The following ATF7 variants were observed in gnomAD, a reference collection of about 807,000 sequenced individuals.
ATF7 encodes the protein cyclic AMP-dependent transcription factor ATF-7.
Under a neutral mutation model 50.4 loss-of-function variants are expected in ATF7, and 10 were observed. That is an observed-to-expected ratio of 0.20 (90% CI 0.12 to 0.34). The LOEUF is 0.34. Among genes scored for constraint, ATF7 ranks in the 10% least tolerant of loss-of-function variants. ATF7 has a pLI of 1.00. For synonymous variants in ATF7, 201 were observed against 226.4 expected (o/e 0.89, Z 1.01); for missense variants, 465 against 613.9 (o/e 0.76, Z 2.56).
At chr12:53,541,217 C>T (rs1939531043) in intron 4 of ATF7, among the ~76,000 whole-genome samples, 1 of 152,060 alleles carries the variant, frequency 6.6e-6, no homozygotes, top group Admixed American at 6.6e-5. Flanking sequence ...GAAAGAGCTC[C>T]CATGGAAATT....
At chr12:53,547,421 G>T (rs1940017169) in intron 3 of ATF7, among the ~76,000 whole-genome samples, 2 of 151,770 alleles carry the variant, frequency 1.3e-5, no homozygotes, top group South Asian at 4.2e-4. Context: ...AAGTAGCTGG[G>T]ATTTCAGGTG....
chr12:53,535,327 T>TAAAAAAAAAAAAAAAA (rs1418200711), intron 5 of ATF7, among the ~76,000 whole-genome samples: 1 of 100,324 alleles, frequency 1.0e-5, no homozygotes, highest in African/African-American at 5.4e-5. Context: ...AGACTCTGCC[T>TAAAAAAAAAAAAAAAA]CAAAAAAAAA....
At chr12:53,541,913 C>G (rs1297777970) in intron 4 of ATF7, among the ~76,000 whole-genome samples, 1 of 152,036 alleles carries the variant, frequency 6.6e-6, no homozygotes, top group Non-Finnish European at 1.5e-5. Context: ...CCTCTGCCTC[C>G]CGGGTTCAAG....
chr12:53,534,765 C>A lies in ATF7; in HGVS notation c.403-106G>T, dbSNP rs767438097. ...AAATTTATTGGAAAGAGCATTAGAG[C>A]CACTCATTAAATCATGACCTGATTC... is the stretch of plus-strand genomic sequence containing the variant. On this transcript the variant is annotated intron_variant, in intron 5 of 11. Transcript: ENST00000420353. 6 of 1,282,278 alleles carry A rather than the reference C, an allele frequency of 4.7e-6. No homozygotes were observed. The South Asian group carries it at 8.4e-5, about 18-fold the overall frequency. The allele number at this position is 1,282,278 out of a possible 1,614,324, so 79.4% of individuals were successfully genotyped here. A position where few individuals can be genotyped will look rare whatever the true frequency, so the allele number is the denominator to read the frequency against.
At chr12:53,578,778 T>A (rs1942236073) in intron 2 of ATF7, among the ~76,000 whole-genome samples, 1 of 129,442 alleles carries the variant, frequency 7.7e-6, no homozygotes, top group African/African-American at 3.2e-5. Context: ...AGTGAGATGC[T>A]GTCTCAAAAA....
At chr12:53,537,583 A>G in intron 4 of ATF7, 31 bp from the exon 5 acceptor site, 4 of 1,609,370 alleles carry the variant, frequency 2.5e-6, no homozygotes, top group Non-Finnish European at 3.4e-6. Flanking sequence ...ACAGAGTTTA[A>G]CCCTATGATT....
In ATF7 at chr12:53,611,346, C is replaced by T. The variant is rs558304441; in HGVS notation, c.-21-10325G>A. On this transcript the variant is annotated intron_variant, in intron 1 of 11. Transcript: ENST00000420353. ...TAGCTGGGCATGGTGGCACGTGCTC[C>T]GGAGGCTGAGGCAGGAGAATCGCTC... Among the ~76,000 whole-genome samples the T allele has an allele frequency of 9.8e-4, 149 of 151,814 alleles. 1 individual carries two copies. The South Asian group carries it at 0.011, about 11-fold the overall frequency.
intron 11 of ATF7, among the ~76,000 whole-genome samples, chr12:53,518,783 C>T (rs754026523): frequency 7.9e-5 from 12 of 152,012 alleles, no homozygotes; most frequent in Non-Finnish European, 4.4e-5. Flanking sequence ...CAGTGGCTCA[C>T]GCCTGTAATC....
chr12:53,602,167 A>G (rs1171600269), intron 1 of ATF7, among the ~76,000 whole-genome samples: 2 of 152,220 alleles, frequency 1.3e-5, no homozygotes, highest in Non-Finnish European at 2.9e-5. Flanking sequence ...ATATTTTCAA[A>G]CATCCTTCCA....
intron 1 of ATF7, among the ~76,000 whole-genome samples, chr12:53,621,787 T>TTAA (rs1944393218): frequency 1.4e-5 from 1 of 73,356 alleles, no homozygotes. Context: ...AGACTCTGTC[T>TTAA]CAAAAAAAAA....
At chr12:53,564,757 T>C (rs1409883542) in intron 2 of ATF7, among the ~76,000 whole-genome samples, 1 of 152,242 alleles carries the variant, frequency 6.6e-6, no homozygotes, top group Non-Finnish European at 1.5e-5. Context: ...TTAATAGCAA[T>C]GCATTATTAT....
At chr12:53,549,920 G>A (rs796705789) in intron 3 of ATF7, among the ~76,000 whole-genome samples, 41 of 152,206 alleles carry the variant, frequency 2.7e-4, no homozygotes, top group African/African-American at 8.9e-4. Context: ...GTTTCACCTC[G>A]TTAGTGAGAC....
At chr12:53,547,747 TTATGTATGTATGTATGTATGTATGTATG>T (rs57447677) in intron 3 of ATF7, among the ~76,000 whole-genome samples, 1 of 149,082 alleles carries the variant, frequency 6.7e-6, no homozygotes, top group African/African-American at 2.5e-5. Context: ...TCGGCTAATT[TTATGTATGTATGTATGTATGTATGTATG>T]TATGTATGTA....
At chr12:53,582,274 A>G (rs1229456459) in intron 2 of ATF7, among the ~76,000 whole-genome samples, 1 of 150,764 alleles carries the variant, frequency 6.6e-6, no homozygotes, top group Non-Finnish European at 1.5e-5. Context: ...GGTTGCAGTG[A>G]GCCGAGATCA....
chr12:53,570,773 G>A (rs1565963713), intron 2 of ATF7, among the ~76,000 whole-genome samples: 1 of 136,810 alleles, frequency 7.3e-6, no homozygotes, highest in Non-Finnish European at 1.6e-5. Context: ...GTGTGTGTGT[G>A]TGTATGTCCA....
At chr12:53,586,053 A>C (rs1016222319) in intron 2 of ATF7, among the ~76,000 whole-genome samples, 5 of 152,222 alleles carry the variant, frequency 3.3e-5, no homozygotes, top group Admixed American at 3.3e-4. Flanking sequence ...AACCTCCATA[A>C]GGTCCTGTCT....
At position 53,515,979 on chromosome 12, in the gene ATF7, G is replaced by C. The variant is rs1937678394; in HGVS notation, c.*1158C>G. ...CAGAAAAGCAGACAGATGTGTGAGG[G>C]GGAGAGATGGGGTAGAACAAAGGAA... On this transcript the variant is annotated 3_prime_UTR_variant, in exon 12 of 12. Transcript: ENST00000420353. The C allele has an allele frequency of 6.6e-6, 1 of 152,264 alleles. No homozygotes were observed. Among genetic ancestry groups the C allele is most frequent in the South Asian group, 2.1e-4 (1 of 4,818 alleles). 9.4% of individuals were successfully genotyped at this position (152,264 alleles called of 1,614,324 possible).
chr12:53,578,400 T>C (rs949826833), intron 2 of ATF7, among the ~76,000 whole-genome samples: 1 of 113,560 alleles, frequency 8.8e-6, no homozygotes, highest in Non-Finnish European at 1.9e-5. Context: ...GAAGGAAAAA[T>C]AAAGACTTTC....
At chr12:53,607,137 C>T (rs1943649991) in intron 1 of ATF7, among the ~76,000 whole-genome samples, 1 of 152,194 alleles carries the variant, frequency 6.6e-6, no homozygotes. Context: ...GGAATGGCCA[C>T]ACTGACTTCC....
Sources: gnomAD v4.1 joint callset for allele counts (sites outside exome capture counted in the v4.1 genomes callset) on GRCh38, gnomAD v4.1.1 for gene constraint, MANE v1.5 for transcripts, NCBI Gene and HGNC (gene_info 2026-07-23, HGNC 2026-07-21) for gene names.